The following PTPRE variants were observed in gnomAD, a reference collection of about 807,000 sequenced individuals.
The protein encoded by PTPRE is protein tyrosine phosphatase receptor type E, also known as receptor-type tyrosine-protein phosphatase epsilon.
A neutral mutation model predicts 102.0 loss-of-function variants in PTPRE; 51 were observed. That is an observed-to-expected ratio of 0.50 (90% confidence interval 0.40 to 0.63). The LOEUF is 0.63. Ranked by LOEUF, PTPRE falls within the 30% of genes least tolerant of loss-of-function variation. PTPRE has a pLI of 0.00. For missense variants in PTPRE, 752 were observed against 915.1 expected, an observed-to-expected ratio of 0.82 and a Z score of 2.30; for synonymous variants, 345 against 348.2, an observed-to-expected ratio of 0.99 and a Z score of 0.10.
At position 127,982,233 on chromosome 10, in the gene PTPRE, T is replaced by A. The variant is rs773519462; in HGVS notation, c.-30-41T>A. On this transcript the variant is annotated intron_variant, in intron 1 of 20. Transcript: ENST00000254667. Reference sequence around the variant, plus strand: ...GCTAGAATTAGCAGCCAACTCCTGTTAACCAGAAAACTGACTTTTTTTTTC... The same window carrying A: ...GCTAGAATTAGCAGCCAACTCCTGTAAACCAGAAAACTGACTTTTTTTTTC... The A allele has an allele frequency of 1.9e-4, 226 of 1,220,856 alleles. 1 individual carries two copies. The highest frequency in any genetic ancestry group is 2.4e-4 in the Non-Finnish European group (221 of 936,576). The allele number at this position is 1,220,856 out of a possible 1,614,324, so 75.6% of individuals were successfully genotyped here.
intron 1 of PTPRE, among the ~76,000 whole-genome samples, chr10:127,955,690 C>A (rs1849350613): frequency 6.6e-6 from 1 of 152,106 alleles, no homozygotes; most frequent in Non-Finnish European, 1.5e-5. Context: ...GAATTATATT[C>A]ATCAGTTTTC....
chr10:127,950,486 G>A (rs983898629), intron 1 of PTPRE, among the ~76,000 whole-genome samples: 4 of 152,310 alleles, frequency 2.6e-5, no homozygotes, highest in African/African-American at 9.6e-5. Context: ...CACACACTAG[G>A]AGGGTCCAGA....
intron 1 of PTPRE, among the ~76,000 whole-genome samples, chr10:127,919,611 A>G (rs1846450866): frequency 6.6e-6 from 1 of 152,192 alleles, no homozygotes; most frequent in Non-Finnish European, 1.5e-5. Flanking sequence ...AGCCCGGGTT[A>G]TTCATCTGTT....
Position 128,077,702 on chromosome 10 carries a change from G to A in PTPRE, c.1811G>A (p.Gly604Asp), listed in dbSNP as rs1024025434. 8.7e-6 allele frequency: 14 copies of A among 1,613,808 alleles called. No homozygotes were observed. Among genetic ancestry groups the A allele is most frequent in the Non-Finnish European group, 1.0e-5 (12 of 1,179,818 alleles). ...GWPEIGIPAE[G>D]KGMIDLIAAV... is the part of the protein sequence containing the mutation. ...CCTGAGATCGGGATTCCCGCCGAGG[G>A]CAAAGGCATGATTGACCTCATCGCA... The change falls in exon 19 of 21, where the codon GGC (glycine) becomes GAC (aspartate). Residue 604 changes from glycine to aspartate, a missense_variant. Physicochemically the swap from Gly to Asp is moderately conservative, Grantham distance 94. Around this residue, in one of 2 missense-constraint regions of PTPRE, gnomAD observed 636 missense variants for 824.4 expected, o/e 0.77. Coordinates refer to ENST00000254667, the MANE Select transcript of PTPRE (RefSeq NM_006504.6).
At chr10:127,958,910 T>C (rs947210850) in intron 1 of PTPRE, among the ~76,000 whole-genome samples, 3 of 147,272 alleles carry the variant, frequency 2.0e-5, no homozygotes, top group Non-Finnish European at 3.0e-5. Context: ...TTTTTTTTTT[T>C]CCTGAGACGG....
At position 127,907,283 on chromosome 10, in the gene PTPRE, C is replaced by G. The variant is rs1465426834; in HGVS notation, c.-57C>G. 1 of 984,706 alleles carries G rather than the reference C, an allele frequency of 1.0e-6. No homozygotes were observed. The highest frequency in any genetic ancestry group is 1.2e-4 in the East Asian group (1 of 8,690). 61.0% of individuals were successfully genotyped at this position (984,706 alleles called of 1,614,324 possible). A position where few individuals can be genotyped will look rare whatever the true frequency, so the allele number is the denominator to read the frequency against. ...TGCGGAGCCTCCGCTGCAGCGCGATCTGCGCGACCAGACCGGCCCCCCCGA... is the reference window on the plus strand; with the variant it reads ...TGCGGAGCCTCCGCTGCAGCGCGATGTGCGCGACCAGACCGGCCCCCCCGA... On this transcript the variant is annotated 5_prime_UTR_variant, in exon 1 of 21. The change creates a new upstream start codon in the 5' untranslated region. Coordinates refer to ENST00000254667, the MANE Select transcript of PTPRE (RefSeq NM_006504.6). This position sits in a 1 kb window ranked among gnomAD's most constrained non-coding sequence, Gnocchi z 4.8.
At chr10:128,005,866 T>C (rs530919239) in intron 2 of PTPRE, among the ~76,000 whole-genome samples, 1 of 152,260 alleles carries the variant, frequency 6.6e-6, no homozygotes, top group South Asian at 2.1e-4. Context: ...GAGGGATTCT[T>C]CCTTCCCTCC....
At chr10:127,981,829 A>G (rs1210002339) in intron 1 of PTPRE, among the ~76,000 whole-genome samples, 1 of 152,178 alleles carries the variant, frequency 6.6e-6, no homozygotes, top group Non-Finnish European at 1.5e-5. Context: ...TCAAAAAAAA[A>G]AAAAATTAAT....
intron 1 of PTPRE, among the ~76,000 whole-genome samples, chr10:127,938,006 A>G (rs1206646144): frequency 6.6e-6 from 1 of 152,128 alleles, no homozygotes; most frequent in African/African-American, 2.4e-5. Context: ...CACATTTTTT[A>G]AAAAAAGAAA....
At chr10:128,065,899 G>T (rs186873784) in intron 10 of PTPRE, among the ~76,000 whole-genome samples, 176 bp from the exon 11 acceptor site, 25 of 152,324 alleles carry the variant, frequency 1.6e-4, no homozygotes, top group Non-Finnish European at 3.2e-4. Flanking sequence ...CTGTTCACCA[G>T]TTACGCAGCC....
intron 2 of PTPRE, among the ~76,000 whole-genome samples, chr10:128,001,381 C>T (rs781587218): frequency 4.0e-5 from 6 of 149,814 alleles, no homozygotes; most frequent in African/African-American, 7.4e-5. Context: ...AGTGTAGGCA[C>T]GGCTAGGGCG....
At chr10:127,976,686 G>A (rs1851206759) in intron 1 of PTPRE, among the ~76,000 whole-genome samples, 1 of 152,168 alleles carries the variant, frequency 6.6e-6, no homozygotes, top group African/African-American at 2.4e-5. Flanking sequence ...TGTGGGGAAG[G>A]CAGGATAAGA....
At chr10:127,953,467 A>T (rs1849185797) in intron 1 of PTPRE, among the ~76,000 whole-genome samples, 2 of 152,266 alleles carry the variant, frequency 1.3e-5, no homozygotes, top group South Asian at 4.1e-4. Context: ...TGAACTGCTC[A>T]TCATGAACTG....
At chr10:127,984,488 G>A (rs1268697688) in intron 2 of PTPRE, among the ~76,000 whole-genome samples, 3 of 152,122 alleles carry the variant, frequency 2.0e-5, no homozygotes, top group African/African-American at 7.2e-5. Flanking sequence ...ACGAGGAAAG[G>A]GTATTTGAAG....
chr10:128,052,819 C>T (rs963768283), intron 6 of PTPRE, among the ~76,000 whole-genome samples: 2 of 152,216 alleles, frequency 1.3e-5, no homozygotes, highest in African/African-American at 4.8e-5. Flanking sequence ...AAACCAGAAC[C>T]ATTCCCTGGA....
intron 2 of PTPRE, among the ~76,000 whole-genome samples, chr10:127,988,264 C>A (rs931141351): frequency 6.6e-6 from 1 of 151,104 alleles, no homozygotes; most frequent in African/African-American, 2.4e-5. Flanking sequence ...AGATCACATT[C>A]TGCTCAAAAA....
chr10:128,080,362 A>G (rs1367868175), intron 20 of PTPRE, among the ~76,000 whole-genome samples: 2 of 151,886 alleles, frequency 1.3e-5, no homozygotes, highest in Admixed American at 6.6e-5. Flanking sequence ...CTGCCTGCTC[A>G]CTCTCCACGC....
intron 2 of PTPRE, among the ~76,000 whole-genome samples, chr10:127,984,177 G>A (rs1851887011): frequency 6.6e-6 from 1 of 151,220 alleles, no homozygotes; most frequent in East Asian, 2.0e-4. Context: ...TGCCTCCCGG[G>A]TTCAAGCGAT....
intron 1 of PTPRE, among the ~76,000 whole-genome samples, chr10:127,948,625 T>C (rs1423681503): frequency 6.6e-6 from 1 of 152,226 alleles, no homozygotes; most frequent in Admixed American, 6.5e-5. Context: ...TTTTTCAGAT[T>C]GGCTTCTTTC....
Sources: gnomAD v4.1 joint callset for allele counts (sites outside exome capture counted in the v4.1 genomes callset) on GRCh38, gnomAD v4.1.1 for gene constraint, gnomAD v4.1.1 regional missense constraint, Gnocchi (gnomAD v3.1) non-coding constraint, MANE v1.5 for transcripts, NCBI Gene and HGNC (gene_info 2026-07-23, HGNC 2026-07-21) for gene names.